Variants in ANAPC13 observed in about 807,000 individuals in gnomAD.
ANAPC13 encodes the protein anaphase promoting complex subunit 13.
Under a neutral mutation model 9.6 loss-of-function variants are expected in ANAPC13, and 9 were observed. The observed-to-expected ratio is 0.94, with a 90% CI of 0.57 to 1.64. The LOEUF is 1.64. ANAPC13 is among the 40% of genes most tolerant of loss of function. The pLI is 0.00. For synonymous variants in ANAPC13, 30 were observed against 29.7 expected (o/e 1.01, Z -0.03); for missense variants, 75 against 85.3 (o/e 0.88, Z 0.48).
At chr3:134,485,865 G>A (rs1460497339) in intron 1 of ANAPC13, 87 bp downstream of exon 1, 1 of 464,374 alleles carries the variant, frequency 2.2e-6, no homozygotes, top group African/African-American at 2.1e-5. Flanking sequence ...AGCCTCGGCC[G>A]ATGGGAATAG....
intron 2 of ANAPC13, 166 bp downstream of exon 2, chr3:134,482,640 C>G (rs1268914990): frequency 3.1e-6 from 2 of 650,838 alleles, no homozygotes; most frequent in Non-Finnish European, 5.4e-6. Flanking sequence ...CATTTTTCTT[C>G]AAATAAAACA....
At chr3:134,482,286 G>A (rs1934751226) in intron 2 of ANAPC13, among the ~76,000 whole-genome samples, 1 of 152,214 alleles carries the variant, frequency 6.6e-6, no homozygotes, top group South Asian at 2.1e-4. Flanking sequence ...CTGCAGCAGA[G>A]TTTTCCAAAG....
chr3:134,485,192 G>T (rs1190109501), intron 1 of ANAPC13: 2 of 152,204 alleles, frequency 1.3e-5, no homozygotes, highest in Non-Finnish European at 2.9e-5. Flanking sequence ...TAAGGGGCTG[G>T]AAGGATGGGA....
chr3:134,478,506 A>G lies in ANAPC13; in HGVS notation c.*84T>C. 1 of 1,514,320 alleles carries G rather than the reference A, an allele frequency of 6.6e-7. No individual in the cohort carries two copies. The highest frequency in any genetic ancestry group is 2.3e-5 in the East Asian group (1 of 43,552). 93.8% of individuals were successfully genotyped at this position (1,514,320 alleles called of 1,614,324 possible). On this transcript the variant is annotated 3_prime_UTR_variant, in exon 3 of 3. Transcript: ENST00000354910. The stretch of plus-strand genomic sequence containing the variant: ...ATTTTTGAGTGCTGATTTATTACTC[A>G]AAGGTTTGAATTTGGAGACTGAAAC...
At chr3:134,485,991 G>GCGCCC, upstream of ANAPC13, 2 of 938,158 alleles carry the variant, frequency 2.1e-6, no homozygotes, top group African/African-American at 1.9e-5. Context: ...CTCCTGCCAC[G>GCGCCC]CCCCCCCCCC....
At chr3:134,479,767 A>C (rs1934696079) in intron 2 of ANAPC13, among the ~76,000 whole-genome samples, 1 of 152,186 alleles carries the variant, frequency 6.6e-6, no homozygotes, top group African/African-American at 2.4e-5. Flanking sequence ...ACAAATGACC[A>C]ATTCACACCC....
At chr3:134,482,993 T>C (rs1020862426) in intron 1 of ANAPC13, 62 bp from the exon 2 acceptor site, 3 of 1,157,836 alleles carry the variant, frequency 2.6e-6, no homozygotes, top group Non-Finnish European at 3.9e-6. Flanking sequence ...AATCCACTAT[T>C]AGGATTCTCC....
chr3:134,481,674 A>C (rs1934739246), intron 2 of ANAPC13, among the ~76,000 whole-genome samples: 1 of 152,264 alleles, frequency 6.6e-6, no homozygotes, highest in Non-Finnish European at 1.5e-5. Flanking sequence ...TAGGCTTCAA[A>C]AAATGCTTGT....
Position 134,482,832 on chromosome 3 carries a change from G to C in ANAPC13, c.73C>G (p.Pro25Ala). The C allele has an allele frequency of 6.2e-7, 1 of 1,614,042 alleles. No homozygotes were observed. Among genetic ancestry groups the C allele is most frequent in the South Asian group, 1.1e-5 (1 of 91,074 alleles). Residue 25 changes from proline to alanine, a missense_variant, in exon 2 of 3, where the codon CCT becomes GCT. Coordinates refer to ENST00000354910, the MANE Select transcript of ANAPC13 (RefSeq NM_015391.4). ...IDDAWREDKLPYEDVAIPLNE... is the reference protein window; with the variant it reads ...IDDAWREDKLAYEDVAIPLNE... ...AGTGGTATTGCGACATCCTCATAAG[G>C]CAGCTTGTCTTCTCGCCAAGCATCA...
At position 134,482,873 on chromosome 3, in the gene ANAPC13, A is replaced by C. The variant is rs1934769384; in HGVS notation, c.32T>G (p.Ile11Ser). MDSEVQRDGR[I>S]LDLIDDAWRE... ...CCAAGCATCATCAATCAAATCCAAG[A>C]TCCTTCCATCTCTCTGAACCTCACT... The change falls in exon 2 of 3, where the codon ATC becomes AGC. Residue 11 changes from isoleucine (I) to serine (S), a missense_variant. Transcript: ENST00000354910. 1 of 1,614,044 alleles carries C rather than the reference A, an allele frequency of 6.2e-7. No homozygotes were observed. Among genetic ancestry groups the C allele is most frequent in the African/African-American group, 1.3e-5 (1 of 74,930 alleles).
At chr3:134,482,394 T>C (rs534350001) in intron 2 of ANAPC13, among the ~76,000 whole-genome samples, 78 of 152,340 alleles carry the variant, frequency 5.1e-4, no homozygotes, top group African/African-American at 1.9e-3. Flanking sequence ...AAGATAGGTG[T>C]ATGCTCCAAG....
Position 134,478,512 on chromosome 3 carries a change from T to A in ANAPC13, c.*78A>T. 1 of 1,527,522 alleles carries A rather than the reference T, an allele frequency of 6.5e-7. No individual in the cohort carries two copies. Among genetic ancestry groups the A allele is most frequent in the Non-Finnish European group, 8.9e-7 (1 of 1,129,180 alleles). 94.6% of individuals were successfully genotyped at this position (1,527,522 alleles called of 1,614,324 possible). On this transcript the variant is annotated 3_prime_UTR_variant, in exon 3 of 3. Coordinates refer to ENST00000354910, the MANE Select transcript of ANAPC13 (RefSeq NM_015391.4). The stretch of plus-strand genomic sequence containing the variant: ...GAGTGCTGATTTATTACTCAAAGGT[T>A]TGAATTTGGAGACTGAAACAAACCA...
rs61748112 is a variant in ANAPC13 at position 134,478,587 on chromosome 3, G to A, written c.*3C>T. 41,139 of 1,612,046 alleles carry A rather than the reference G, an allele frequency of 0.026. 662 individuals carry two copies. The highest frequency in any genetic ancestry group is 0.063 in the Middle Eastern group (384 of 6,058). ...AATCCATCCACAAGAAAGGAGCCAA[G>A]CGTCAGTTTCCAATGGGGGGAACAT... is the stretch of plus-strand genomic sequence containing the variant. On this transcript the variant is annotated 3_prime_UTR_variant, in exon 3 of 3. Coordinates refer to ENST00000354910, the MANE Select transcript of ANAPC13 (RefSeq NM_015391.4).
intron 1 of ANAPC13, among the ~76,000 whole-genome samples, chr3:134,483,809 T>C (rs1053591717): frequency 3.9e-5 from 6 of 152,324 alleles, no homozygotes; most frequent in Non-Finnish European, 5.9e-5. Context: ...TCTGAGACTA[T>C]GGAGACTCAC....
rs1048818619 is a variant in ANAPC13, at chr3:134,477,871, A to T, written c.*719T>A. The T allele has an allele frequency of 1.3e-5, 2 of 152,228 alleles. No homozygotes were observed. Among genetic ancestry groups the T allele is most frequent in the African/African-American group, 4.8e-5 (2 of 41,468 alleles). The allele number at this position is 152,228 out of a possible 1,614,324, so 9.4% of individuals were successfully genotyped here. On this transcript the variant is annotated 3_prime_UTR_variant, in exon 3 of 3. Coordinates refer to ENST00000354910, the MANE Select transcript of ANAPC13 (RefSeq NM_015391.4). Reference sequence around the variant, plus strand: ...ATAAATATACATGAATGTGTTTTTCAAAATACAGGTTCTTATACAAATGTA... The same window carrying T: ...ATAAATATACATGAATGTGTTTTTCTAAATACAGGTTCTTATACAAATGTA...
At chr3:134,479,743 C>A (rs1271311512) in intron 2 of ANAPC13, among the ~76,000 whole-genome samples, 1 of 152,236 alleles carries the variant, frequency 6.6e-6, no homozygotes, top group African/African-American at 2.4e-5. Flanking sequence ...TGGAGCAGAG[C>A]AACAAAAAAC....
intron 1 of ANAPC13, 169 bp downstream of exon 1, chr3:134,485,783 G>A (rs1440829381): frequency 5.9e-6 from 1 of 169,046 alleles, no homozygotes; most frequent in Admixed American, 6.5e-5. Context: ...GGGAGGTCTG[G>A]GGGTGCCACG....
At chr3:134,484,388 GA>G (rs11299516) in intron 1 of ANAPC13, among the ~76,000 whole-genome samples, 100,647 of 147,612 alleles carry the variant, frequency 0.68, 34,262 homozygotes, top group East Asian at 0.82. Context: ...TTCCGTCTCG[GA>G]AAAAAAAAAA....
At chr3:134,479,555 G>C (rs895400685) in intron 2 of ANAPC13, among the ~76,000 whole-genome samples, 1 of 151,742 alleles carries the variant, frequency 6.6e-6, no homozygotes. Context: ...CTCTATGTTG[G>C]TCAGGCTGGT....
Sources: allele counts gnomAD v4.1 joint callset (sites outside exome capture counted in the v4.1 genomes callset), GRCh38; gene constraint gnomAD v4.1.1; transcripts MANE v1.5; gene names NCBI Gene and HGNC (gene_info 2026-07-23, HGNC 2026-07-21).